The following SZT2 variants were observed in gnomAD, a reference collection of about 807,000 sequenced individuals.
SZT2 encodes KICSTOR complex protein SZT2.
In SZT2, 216 loss-of-function variants were observed where a neutral mutation model predicts 404.2. That is an observed-to-expected ratio of 0.53 (90% CI 0.48 to 0.60). SZT2 has a LOEUF of 0.60. Ranked by LOEUF, SZT2 falls within the 20% of genes least tolerant of loss-of-function variation. The pLI, the probability that SZT2 is intolerant of heterozygous loss-of-function variation, is 0.00. For synonymous variants in SZT2, 1,693 were observed against 1,749.9 expected, an observed-to-expected ratio of 0.97 and a Z score of 0.81; for missense variants, 3,857 against 4,459.2, an observed-to-expected ratio of 0.86 and a Z score of 3.85.
intron 1 of SZT2, among the ~76,000 whole-genome samples, chr1:43,400,328 A>T (rs1269301929): frequency 6.6e-6 from 1 of 152,160 alleles, no homozygotes; most frequent in African/African-American, 2.4e-5. Context: ...CTTTCTGATT[A>T]TGTCAAAACA....
chr1:43,433,598 A>G (rs531231401), intron 40 of SZT2, among the ~76,000 whole-genome samples: 1 of 152,298 alleles, frequency 6.6e-6, no homozygotes, highest in South Asian at 2.1e-4. Flanking sequence ...CCTGGCCAAC[A>G]TGGTGAAACC....
At chr1:43,415,364 C>T (rs1651580049) in intron 5 of SZT2, among the ~76,000 whole-genome samples, 151 bp downstream of exon 5, 1 of 152,174 alleles carries the variant, frequency 6.6e-6, no homozygotes. Context: ...GACACACTCC[C>T]TGTTGGAGCA....
chr1:43,414,402 T>C (rs1272372063), intron 4 of SZT2, among the ~76,000 whole-genome samples: 1 of 152,192 alleles, frequency 6.6e-6, no homozygotes, highest in Non-Finnish European at 1.5e-5. Flanking sequence ...ATATACACCT[T>C]CTATGTACCC....
intron 3 of SZT2, 88 bp downstream of exon 3, chr1:43,403,862 C>A: frequency 1.4e-6 from 2 of 1,419,008 alleles, no homozygotes; most frequent in South Asian, 1.2e-5. Context: ...AAAAATGGTC[C>A]CAGCCTACCA....
In SZT2 at chr1:43,452,063, C is replaced by G. The variant is rs1218905431; in HGVS notation, c.*1583C>G. The G allele has an allele frequency of 1.3e-6, 2 of 1,568,018 alleles. No individual in the cohort carries two copies. The highest frequency in any genetic ancestry group is 1.7e-6 in the Non-Finnish European group (2 of 1,147,824). ...ATAGAGCTCCTTCCCAAGTTTGTCC[C>G]CCATCAGTCAGTCACTGGTCAAGGC... On this transcript the variant is annotated 3_prime_UTR_variant, in exon 72 of 72. Coordinates refer to ENST00000634258, the MANE Select transcript of SZT2 (RefSeq NM_001365999.1).
intron 5 of SZT2, 147 bp downstream of exon 5, chr1:43,415,360 C>T: frequency 1.1e-6 from 1 of 944,588 alleles, no homozygotes; most frequent in Non-Finnish European, 1.5e-6. Context: ...TCATGACACA[C>T]TCCCTGTTGG....
chr1:43,448,369 T>C lies in SZT2; in HGVS notation c.9854T>C (p.Leu3285Pro). The C allele has an allele frequency of 6.4e-7, 1 of 1,557,744 alleles. No homozygotes were observed. The highest frequency in any genetic ancestry group is 8.7e-7 in the Non-Finnish European group (1 of 1,150,688). Reference protein sequence around the residue: ...RDTLWKRLFLLEPPGPDRLRL... With the variant: ...RDTLWKRLFLPEPPGPDRLRL... The stretch of plus-strand genomic sequence containing the variant: ...ACCCTTTGGAAGCGCCTCTTCTTGC[T>C]GGAGCCACCGGGGCCTGATCGACTG... Residue 3285 changes from leucine to proline, a missense_variant, in exon 69 of 72, where the codon CTG becomes CCG. By Grantham distance (98) the Leu-to-Pro change is moderately conservative. Around this residue, in one of 7 missense-constraint regions of SZT2, gnomAD observed 717 missense variants for 868.2 expected, o/e 0.83. Coordinates refer to ENST00000634258, the MANE Select transcript of SZT2 (RefSeq NM_001365999.1). The surrounding 1 kb of genome is among the most constrained non-coding windows in gnomAD (Gnocchi z 4.2).
chr1:43,450,758 G>GC lies in SZT2; in HGVS notation c.*284dup, dbSNP rs1656296266. 1.4e-5 allele frequency: 10 copies of GC among 697,452 alleles called. No homozygotes were observed. In the East Asian group the frequency reaches 2.4e-4, roughly 17 times the overall value. The allele number at this position is 697,452 out of a possible 1,614,324, so 43.2% of individuals were successfully genotyped here. A position where few individuals can be genotyped will look rare whatever the true frequency, so the allele number is the denominator to read the frequency against. ...GGGCCCTTCTGGGGTACTCCTTTCGGCCCCCCTGGTAGAGTCTCGGGAGTT... is the reference window on the plus strand; with the variant it reads ...GGGCCCTTCTGGGGTACTCCTTTCGGCCCCCCCTGGTAGAGTCTCGGGAGTT... On this transcript the variant is annotated 3_prime_UTR_variant, in exon 72 of 72. Transcript: ENST00000634258. The surrounding 1 kb of genome is among the most constrained non-coding windows in gnomAD (Gnocchi z 4.3).
chr1:43,435,306 A>G lies in SZT2; in HGVS notation c.6011A>G (p.Gln2004Arg). 6.2e-7 allele frequency: 1 copy of G among 1,614,196 alleles called. No homozygotes were observed. The highest frequency in any genetic ancestry group is 8.5e-7 in the Non-Finnish European group (1 of 1,180,018). ...WRSETPFHSRQRAPLPSDDYA... is the reference protein window; with the variant it reads ...WRSETPFHSRRRAPLPSDDYA... ...AGTGAGACTCCCTTCCACTCCCGTC[A>G]GCGGGCACCACTGCCCAGTGATGGT... The change falls in exon 42 of 72, where the codon CAG becomes CGG. Residue 2004 changes from glutamine (Q) to arginine (R), a missense_variant. Physicochemically the swap from Gln to Arg is conservative, Grantham distance 43. Transcript: ENST00000634258.
At position 43,429,423 on chromosome 1, in the gene SZT2, A is replaced by T. The variant is rs1653586691; in HGVS notation, c.4167-280A>T. 3.9e-5 allele frequency: 14 copies of T among 358,114 alleles called. No individual in the cohort carries two copies. The South Asian group carries it at 5.2e-4, about 13-fold the overall frequency. 22.2% of individuals were successfully genotyped at this position (358,114 alleles called of 1,614,324 possible). A position where few individuals can be genotyped will look rare whatever the true frequency, so the allele number is the denominator to read the frequency against. On this transcript the variant is annotated intron_variant, in intron 28 of 71. Transcript: ENST00000634258. ...GTGGCATATGCCTGTGGTCCCAGCT[A>T]CTCAGAAGGCAAGTGGTGATGGCGC...
Position 43,439,746 on chromosome 1 carries a change from C to A in SZT2, c.7019C>A (p.Pro2340Gln). Residue 2340 changes from proline to glutamine, a missense_variant, in exon 50 of 72, where the codon CCG becomes CAG. This residue lies in a region of SZT2 where 573 missense variants were observed against 592.4 expected (regional missense o/e 0.97). Transcript: ENST00000634258. The surrounding 1 kb of genome is among the most constrained non-coding windows in gnomAD (Gnocchi z 4.2). ...CAACTGACCCAGGTCATCCGCTGCC[C>A]GGTTGTTGTGGACAGTTCTTCAGGT... ...FEQLTQVIRC[P>Q]VVVDSSSAQN... The A allele has an allele frequency of 6.2e-7, 1 of 1,601,950 alleles. No homozygotes were observed.
rs1343926147 is a variant in SZT2, at chr1:43,432,518, C to A, written c.5444C>A (p.Thr1815Asn). ...CAGTCCTGACTTCCTATTCCTCAGA[C>A]CCTGACAGCCAGCCCCCAAGCACCT... ...EDRAEGIEGE[T>N]LTASPQAPGS... Residue 1815 changes from threonine (T) to asparagine (N), a missense_variant and splice_region_variant, in exon 38 of 72, where the codon ACC becomes AAC. Around this residue, in one of 7 missense-constraint regions of SZT2, gnomAD observed 1,725 missense variants for 1,881.0 expected, o/e 0.92. Coordinates refer to ENST00000634258, the MANE Select transcript of SZT2 (RefSeq NM_001365999.1). The A allele has an allele frequency of 1.9e-6, 3 of 1,604,558 alleles. No individual in the cohort carries two copies. The highest frequency in any genetic ancestry group is 3.4e-5 in the Admixed American group (2 of 58,930).
rs1652120195 is a variant in SZT2, at chr1:43,419,769, C to T, written c.915C>T (p.Gly305=). The change falls in exon 8 of 72, where the codon GGC becomes GGT. Residue 305 remains glycine, a synonymous_variant. Transcript: ENST00000634258. ...TTTACTCTTATGACTGCAGTTTTGG[C>T]CATGTGCCCAATGTGGAATTAATGA... ...GGVYSYDCSF[G]HVPNVELMKF... The T allele has an allele frequency of 2.5e-6, 4 of 1,598,328 alleles. No homozygotes were observed. In the South Asian group the frequency reaches 4.4e-5, roughly 18 times the overall value.
In SZT2 at chr1:43,427,534, T is replaced by C; in HGVS notation, c.3603T>C (p.Asn1201=). The C allele has an allele frequency of 6.2e-7, 1 of 1,614,208 alleles. No homozygotes were observed. Among genetic ancestry groups the C allele is most frequent in the African/African-American group, 1.3e-5 (1 of 75,046 alleles). ...CGTGACACCTTTTCTTCACAGACAA[T>C]GCCCAGAATCAAGGAGAGCTAAGTC... ...PVLSVTLASD[N]AQNQGELSPP... is the part of the protein sequence containing the mutation. Residue 1201 remains asparagine (N), a synonymous_variant, in exon 26 of 72, where the codon AAT becomes AAC. Transcript: ENST00000634258.
At chr1:43,422,917 G>C in intron 14 of SZT2, 34 bp downstream of exon 14, 2 of 1,546,308 alleles carry the variant, frequency 1.3e-6, no homozygotes, top group Non-Finnish European at 1.7e-6. Flanking sequence ...TGACCAAGGA[G>C]CCCTAGGGTG....
At chr1:43,429,869 A>G in intron 29 of SZT2, 25 bp downstream of exon 29, 1 of 1,613,756 alleles carries the variant, frequency 6.2e-7, no homozygotes. Context: ...TGAGGGTAGA[A>G]GAGGTGTTAG....
Position 43,414,534 on chromosome 1 carries a change from C to A in SZT2, c.499-548C>A, listed in dbSNP as rs947044040. 3.9e-5 allele frequency among the ~76,000 whole-genome samples: 6 copies of A among 152,186 alleles called. No homozygotes were observed. The South Asian group carries it at 1.2e-3, about 32-fold the overall frequency. ...CCTTCCAGGTCCCAGTTAAGCAATT[C>A]TCTTGCCTCCCAAGTAGCTGGGATT... On this transcript the variant is annotated intron_variant, in intron 4 of 71. Coordinates refer to ENST00000634258, the MANE Select transcript of SZT2 (RefSeq NM_001365999.1).
Position 43,427,557 on chromosome 1 carries a change from G to A in SZT2, c.3626G>A (p.Ser1209Asn). 6.2e-7 allele frequency: 1 copy of A among 1,614,242 alleles called. No individual in the cohort carries two copies. Among genetic ancestry groups the A allele is most frequent in the South Asian group, 1.1e-5 (1 of 91,082 alleles). Reference sequence around the variant, plus strand: ...AATGCCCAGAATCAAGGAGAGCTAAGTCCACCATTCCGTCGAGACTTACAG... The same window carrying A: ...AATGCCCAGAATCAAGGAGAGCTAAATCCACCATTCCGTCGAGACTTACAG... ...SDNAQNQGEL[S>N]PPFRRDLQAY... Residue 1209 changes from serine (S) to asparagine (N), a missense_variant, in exon 26 of 72, where the codon AGT becomes AAT. By Grantham distance (46) the Ser-to-Asn change is conservative. This residue lies in a region of SZT2 where 1,725 missense variants were observed against 1,881.0 expected (regional missense o/e 0.92). Coordinates refer to ENST00000634258, the MANE Select transcript of SZT2 (RefSeq NM_001365999.1).
At chr1:43,416,853 A>G (rs951836257) in intron 7 of SZT2, among the ~76,000 whole-genome samples, 1 of 152,200 alleles carries the variant, frequency 6.6e-6, no homozygotes, top group Non-Finnish European at 1.5e-5. Context: ...ATAGCTGTTA[A>G]AGCAAAAAGA....
Sources: gnomAD v4.1 joint callset for allele counts (sites outside exome capture counted in the v4.1 genomes callset) on GRCh38, gnomAD v4.1.1 for gene constraint, gnomAD v4.1.1 regional missense constraint, Gnocchi (gnomAD v3.1) non-coding constraint, MANE v1.5 for transcripts, NCBI Gene and HGNC (gene_info 2026-07-23, HGNC 2026-07-21) for gene names.